MGAT5: variants seen among roughly 807,000 people sequenced by gnomAD.
MGAT5 encodes the protein alpha-1,6-mannosylglycoprotein 6-beta-N-acetylglucosaminyltransferase.
In MGAT5, 30 loss-of-function variants were observed where a neutral mutation model predicts 94.3. The ratio of observed to expected loss-of-function variants is 0.32; its 90% CI spans 0.24 to 0.43. The LOEUF (loss-of-function observed/expected upper bound fraction) is 0.43, where lower values mean the gene tolerates loss of function less well. MGAT5 is among the 20% of genes least tolerant of loss of function. The pLI is 1.00. For synonymous variants in MGAT5, 310 were observed against 322.9 expected (o/e 0.96, Z 0.43); for missense variants, 691 against 905.5 (o/e 0.76, Z 3.04).
chr2:134,365,352 C>T (rs148763806), intron 10 of MGAT5, among the ~76,000 whole-genome samples: 9 of 152,278 alleles, frequency 5.9e-5, no homozygotes, highest in Admixed American at 3.3e-4. Flanking sequence ...TCCTCTGACC[C>T]AGTGCAGTCC....
At position 134,422,233 on chromosome 2, in the gene MGAT5, G is replaced by A. The variant is rs535262867; in HGVS notation, c.1678-570G>A. 1.5e-4 allele frequency among the ~76,000 whole-genome samples: 23 copies of A among 152,208 alleles called. No homozygotes were observed. In the South Asian group the frequency reaches 4.8e-3, roughly 32 times the overall value. ...CACTTGGTTTCTTTGACCACATGTT[G>A]TTTTTAAAATAAAACCCCCTTTAGG... On this transcript the variant is annotated intron_variant, in intron 12 of 15. Coordinates refer to ENST00000281923, the MANE Select transcript of MGAT5 (RefSeq NM_002410.5).
chr2:134,269,122 A>G (rs1683879386), intron 1 of MGAT5, among the ~76,000 whole-genome samples: 4 of 152,240 alleles, frequency 2.6e-5, no homozygotes, highest in African/African-American at 4.8e-5. Flanking sequence ...GCTGTAAAAA[A>G]TACCTGAGCC....
intron 1 of MGAT5, among the ~76,000 whole-genome samples, chr2:134,194,093 A>G (rs866154074): frequency 1.3e-5 from 2 of 152,210 alleles, no homozygotes; most frequent in South Asian, 2.1e-4. Flanking sequence ...GCCAGTGGCA[A>G]TTTGCATTTG....
intron 1 of MGAT5, among the ~76,000 whole-genome samples, chr2:134,219,426 G>A (rs1319973329): frequency 6.6e-6 from 1 of 152,024 alleles, no homozygotes; most frequent in African/African-American, 2.4e-5. Flanking sequence ...GAAGTTAACA[G>A]GATTCTTCTC....
chr2:134,421,453 T>C (rs1308084548), intron 12 of MGAT5, among the ~76,000 whole-genome samples: 2 of 151,882 alleles, frequency 1.3e-5, no homozygotes, highest in East Asian at 1.9e-4. Context: ...GGCATGGTGG[T>C]GCGCACCTAT....
chr2:134,313,126 C>G (rs539767114), intron 2 of MGAT5, among the ~76,000 whole-genome samples: 3 of 151,266 alleles, frequency 2.0e-5, no homozygotes, highest in African/African-American at 7.3e-5. Flanking sequence ...TTGTCCCTTT[C>G]GCTTCTTAAT....
upstream of MGAT5, among the ~76,000 whole-genome samples, chr2:134,250,522 T>C (rs1444616883): frequency 6.6e-6 from 1 of 152,226 alleles, no homozygotes; most frequent in Non-Finnish European, 1.5e-5. Flanking sequence ...TCCTCCTCAT[T>C]GTCCACCTGT....
chr2:134,369,079 T>C (rs1158897179), intron 10 of MGAT5, among the ~76,000 whole-genome samples: 3 of 152,172 alleles, frequency 2.0e-5, no homozygotes, highest in Non-Finnish European at 4.4e-5. Context: ...TCTGTGAGAG[T>C]AGGAATTGCA....
intron 2 of MGAT5, among the ~76,000 whole-genome samples, chr2:134,304,941 A>G (rs1276666466): frequency 6.6e-6 from 1 of 152,192 alleles, no homozygotes; most frequent in Non-Finnish European, 1.5e-5. Context: ...TGTATATTTT[A>G]TGCCAATGGC....
At chr2:134,145,686 T>C (rs1343345744) in intron 1 of MGAT5, among the ~76,000 whole-genome samples, 1 of 152,250 alleles carries the variant, frequency 6.6e-6, no homozygotes, top group Non-Finnish European at 1.5e-5. Context: ...CTGACTCTGC[T>C]CTTTATAGCT....
At chr2:134,282,514 AAG>A (rs1371786922) in intron 2 of MGAT5, among the ~76,000 whole-genome samples, 1 of 152,238 alleles carries the variant, frequency 6.6e-6, no homozygotes, top group Non-Finnish European at 1.5e-5. Flanking sequence ...GCTAAGCAAA[AAG>A]ATGAAAATAC....
intron 10 of MGAT5, among the ~76,000 whole-genome samples, chr2:134,387,328 A>ATG (rs1461083019): frequency 2.5e-5 from 1 of 40,294 alleles, no homozygotes; most frequent in Non-Finnish European, 4.0e-5. Context: ...ATATATATAT[A>ATG]TATATTTTTT....
rs182267516 is a variant in MGAT5 at position 134,199,981 on chromosome 2, A to G, written c.-142-54281A>G. ...AATAAAACCCACAAACAGTCTTAAA[A>G]TCATTGATTAGAGGTACAATTTTGG... On this transcript the variant is annotated intron_variant, in intron 1 of 16. Coordinates refer to the MGAT5 transcript ENST00000409645. Among the ~76,000 whole-genome samples, 744 of 152,294 alleles carry G rather than the reference A, an allele frequency of 4.9e-3. 7 individuals carry two copies. The highest frequency in any genetic ancestry group is 0.017 in the African/African-American group (697 of 41,558).
At chr2:134,248,825 C>G (rs1234521741) in intron 1 of MGAT5, among the ~76,000 whole-genome samples, 1 of 152,002 alleles carries the variant, frequency 6.6e-6, no homozygotes, top group Non-Finnish European at 1.5e-5. Flanking sequence ...GGAGGCAGGC[C>G]CTTGTGTCAG....
chr2:134,309,447 C>T (rs76341332), intron 2 of MGAT5, among the ~76,000 whole-genome samples: 1,802 of 152,316 alleles, frequency 0.012, 30 homozygotes, highest in African/African-American at 0.04. Flanking sequence ...GAGGGTTCTA[C>T]TTTCTTTACA....
chr2:134,346,836 A>C (rs144574698), intron 8 of MGAT5, among the ~76,000 whole-genome samples: 3 of 152,204 alleles, frequency 2.0e-5, no homozygotes, highest in African/African-American at 2.4e-5. Flanking sequence ...GTTGAAGGAC[A>C]TACAAGAAAG....
intron 2 of MGAT5, among the ~76,000 whole-genome samples, chr2:134,287,828 T>G (rs1220893428): frequency 6.6e-6 from 1 of 152,240 alleles, no homozygotes; most frequent in Non-Finnish European, 1.5e-5. Context: ...ATCTTAAGAC[T>G]TGATAGACAT....
chr2:134,383,977 C>T (rs978004989), intron 10 of MGAT5, among the ~76,000 whole-genome samples: 1 of 7,742 alleles, frequency 1.3e-4, no homozygotes, highest in African/African-American at 1.7e-4. Context: ...CCGCGCCTGG[C>T]CGCTTAAGCA....
chr2:134,183,828 T>C (rs1456792878), intron 1 of MGAT5, among the ~76,000 whole-genome samples: 1 of 152,254 alleles, frequency 6.6e-6, no homozygotes, highest in Non-Finnish European at 1.5e-5. Context: ...TGGAGCTTGA[T>C]GTGGCTTCCA....
Sources: allele counts gnomAD v4.1 joint callset (sites outside exome capture counted in the v4.1 genomes callset), GRCh38; gene constraint gnomAD v4.1.1; transcripts MANE v1.5; gene names NCBI Gene and HGNC (gene_info 2026-07-23, HGNC 2026-07-21).